The following CCDC125 variants were observed in gnomAD, a reference collection of about 807,000 sequenced individuals.
CCDC125 encodes the protein coiled-coil domain containing 125, also known as coiled-coil domain-containing protein 125.
A neutral mutation model predicts 57.4 loss-of-function variants in CCDC125; 43 were observed. The observed-to-expected ratio is 0.75, with a 90% confidence interval of 0.59 to 0.97. CCDC125 has a LOEUF of 0.97. Ranked by LOEUF, CCDC125 falls within the 50% of genes least tolerant of loss-of-function variation. CCDC125 has a pLI of 0.00. For synonymous variants in CCDC125, 187 were observed against 195.2 expected, an observed-to-expected ratio of 0.96 and a Z score of 0.35; for missense variants, 563 against 595.7, an observed-to-expected ratio of 0.95 and a Z score of 0.57.
At chr5:69,330,486 C>T (rs1040136778) in intron 1 of CCDC125, among the ~76,000 whole-genome samples, 1 of 151,770 alleles carries the variant, frequency 6.6e-6, no homozygotes, top group Non-Finnish European at 1.5e-5. Flanking sequence ...CCCAGCTACT[C>T]GGGAGGCTGA....
rs537861912 is a variant in CCDC125, at chr5:69,331,295, C to A, written c.-41+1354G>T. ...TCACCCACGCTGGAGTGCAATGGTG[C>A]GATCTCGGCTCACTGCAACCTAGAC... On this transcript the variant is annotated intron_variant, in intron 1 of 11. Transcript: ENST00000396496. 1.6e-4 allele frequency among the ~76,000 whole-genome samples: 24 copies of A among 152,010 alleles called. 1 individual carries two copies. The highest frequency in any genetic ancestry group is 1.2e-3 in the South Asian group (6 of 4,806).
rs994809609 is a variant in CCDC125, at chr5:69,280,712, T to C, written c.*2017A>G. 10 of 152,276 alleles carry C rather than the reference T, an allele frequency of 6.6e-5. No individual in the cohort carries two copies. The highest frequency in any genetic ancestry group is 5.2e-4 in the Admixed American group (8 of 15,286). 9.4% of individuals were successfully genotyped at this position (152,276 alleles called of 1,614,324 possible). A position where few individuals can be genotyped will look rare whatever the true frequency, so the allele number is the denominator to read the frequency against. On this transcript the variant is annotated 3_prime_UTR_variant, in exon 12 of 12. Coordinates refer to ENST00000396496, the MANE Select transcript of CCDC125 (RefSeq NM_176816.5). ...ACAGCTGTCAACACATGCATTTTGC[T>C]TTATTCATTTGCTTTATCTTATGGA...
rs887812622 is a variant in CCDC125, at chr5:69,313,271, T to C, written c.366+714A>G. ...AGGGATTGCCCTTCCCCTGCTGGGA[T>C]TCCCCCAGCCCCTCCTATCTGGCAG... On this transcript the variant is annotated intron_variant, in intron 3 of 11. Transcript: ENST00000396496. The C allele has an allele frequency of 6.6e-5, 37 of 560,732 alleles. No individual in the cohort carries two copies. In the Admixed American group the frequency reaches 1.1e-3, roughly 16 times the overall value. The allele number at this position is 560,732 out of a possible 1,614,324, so 34.7% of individuals were successfully genotyped here. A position where few individuals can be genotyped will look rare whatever the true frequency, so the allele number is the denominator to read the frequency against.
At chr5:69,330,199 T>C (rs1761245300) in intron 1 of CCDC125, among the ~76,000 whole-genome samples, 1 of 152,190 alleles carries the variant, frequency 6.6e-6, no homozygotes, top group South Asian at 2.1e-4. Context: ...AAGGCTCTTT[T>C]TCTTTTTCCT....
At position 69,286,920 on chromosome 5, in the gene CCDC125, T is replaced by TA. The variant is rs201525650; in HGVS notation, c.1100-1454dup. ...TGAATCTGTGTCCCTATTTTCAGTC[T>TA]AAAAAAAGAAATAGCTTGGTGTGAT... On this transcript the variant is annotated intron_variant, in intron 10 of 11. Coordinates refer to ENST00000396496, the MANE Select transcript of CCDC125 (RefSeq NM_176816.5). Among the ~76,000 whole-genome samples the TA allele has an allele frequency of 1.0e-3, 148 of 144,422 alleles. 5 individuals are homozygous for TA. The East Asian group carries it at 0.022, about 21-fold the overall frequency. The allele number at this position is 144,422 out of a possible 152,430, so 94.7% of individuals were successfully genotyped here. A position where few individuals can be genotyped will look rare whatever the true frequency, so the allele number is the denominator to read the frequency against.
intron 8 of CCDC125, among the ~76,000 whole-genome samples, chr5:69,299,228 G>C (rs1755938673): frequency 2.6e-5 from 4 of 151,798 alleles, no homozygotes; most frequent in African/African-American, 9.7e-5. Flanking sequence ...TCCTGCCTCA[G>C]CCTCCCAAGT....
intron 7 of CCDC125, among the ~76,000 whole-genome samples, chr5:69,303,323 T>C (rs1344485467): frequency 1.1e-4 from 16 of 151,494 alleles, no homozygotes; most frequent in African/African-American, 1.9e-4. Context: ...GTTCTGGGAT[T>C]ACAGGCATGA....
At chr5:69,279,836 G>T (rs1451530366), downstream of CCDC125, among the ~76,000 whole-genome samples, 1 of 135,042 alleles carries the variant, frequency 7.4e-6, no homozygotes, top group Non-Finnish European at 1.7e-5. Context: ...CTGCTATAAA[G>T]AATACTACCC....
Position 69,324,382 on chromosome 5 carries a change from T to C in CCDC125, c.-40-3802A>G, listed in dbSNP as rs142335138. Among the ~76,000 whole-genome samples the C allele has an allele frequency of 8.7e-3, 1,328 of 152,252 alleles. 15 individuals are homozygous for C. Among genetic ancestry groups the C allele is most frequent in the African/African-American group, 0.031 (1,279 of 41,528 alleles). Reference sequence around the variant, plus strand: ...AGTAACTGAAACTCTCATACATTGGTGATGTGAGTAAAACATGGTACAACC... The same window carrying C: ...AGTAACTGAAACTCTCATACATTGGCGATGTGAGTAAAACATGGTACAACC... On this transcript the variant is annotated intron_variant, in intron 1 of 11. Transcript: ENST00000396496.
At chr5:69,297,833 A>G (rs1422024522) in intron 8 of CCDC125, among the ~76,000 whole-genome samples, 1 of 150,892 alleles carries the variant, frequency 6.6e-6, no homozygotes, top group Non-Finnish European at 1.5e-5. Context: ...GGGTATGATA[A>G]TGGTGTGCAC....
chr5:69,305,621 G>C (rs1166877075), intron 6 of CCDC125, among the ~76,000 whole-genome samples: 1 of 152,208 alleles, frequency 6.6e-6, no homozygotes, highest in Non-Finnish European at 1.5e-5. Flanking sequence ...CAGAAGGTTT[G>C]CTGAGGGCAG....
intron 5 of CCDC125, among the ~76,000 whole-genome samples, chr5:69,307,252 A>G (rs1241457913): frequency 1.3e-5 from 2 of 152,156 alleles, no homozygotes; most frequent in Non-Finnish European, 2.9e-5. Context: ...GGTCCCATCA[A>G]GGGAGAACAC....
At chr5:69,328,855 G>A (rs1761052473) in intron 1 of CCDC125, among the ~76,000 whole-genome samples, 2 of 150,154 alleles carry the variant, frequency 1.3e-5, no homozygotes, top group South Asian at 2.1e-4. Flanking sequence ...GTGCAGTGGC[G>A]CCATCTCACC....
At chr5:69,300,476 C>A (rs6450029) in intron 7 of CCDC125, among the ~76,000 whole-genome samples, 62,674 of 151,988 alleles carry the variant, frequency 0.41, 13,211 homozygotes, top group East Asian at 0.49. Flanking sequence ...ATGGTGAGAT[C>A]TCATATATTG....
Position 69,306,891 on chromosome 5 carries a change from G to A in CCDC125, c.543C>T (p.Ala181=), listed in dbSNP as rs1757408912. The change falls in exon 6 of 12, where the codon GCC becomes GCT. Residue 181 remains alanine (A), a synonymous_variant. Transcript: ENST00000396496. The stretch of plus-strand genomic sequence containing the variant: ...GATCAAATTCTATTTCCCACTGCAA[G>A]GCATTTATTTCCTATGGAAAGAAAA... The part of the protein sequence containing the change: ...QNRSLEKEIN[A]LQWEIEFDHN... The A allele has an allele frequency of 6.6e-7, 1 of 1,507,896 alleles. No individual in the cohort carries two copies. 93.4% of individuals were successfully genotyped at this position (1,507,896 alleles called of 1,614,324 possible).
At chr5:69,320,631 C>T (rs1759877305) in intron 1 of CCDC125, 51 bp from the exon 2 acceptor site, 1 of 776,892 alleles carries the variant, frequency 1.3e-6, no homozygotes, top group Non-Finnish European at 2.1e-6. Flanking sequence ...ATCCAGCAAC[C>T]CCACCTCTCG....
intron 1 of CCDC125, among the ~76,000 whole-genome samples, chr5:69,320,976 C>A (rs1014142653): frequency 1.3e-5 from 2 of 151,992 alleles, no homozygotes; most frequent in African/African-American, 4.8e-5. Context: ...AAAAAACAAT[C>A]AAACTCAAAG....
In CCDC125 at chr5:69,311,192, A is replaced by G. The variant is rs1175455968; in HGVS notation, c.379T>C (p.Leu127=). 6.2e-7 allele frequency: 1 copy of G among 1,604,812 alleles called. No homozygotes were observed. Among genetic ancestry groups the G allele is most frequent in the Non-Finnish European group, 8.5e-7 (1 of 1,172,850 alleles). Residue 127 remains leucine (L), a synonymous_variant, in exon 4 of 12, where the codon TTA becomes CTA. Coordinates refer to ENST00000396496, the MANE Select transcript of CCDC125 (RefSeq NM_176816.5). ...TGAGATGCCTCAAGTTCAGTTTTTA[A>G]CATTTCTACCTCCTGAGGACAGAAA... The part of the protein sequence containing the change: ...LNETLEEVEM[L]KTELEASQRQ...
chr5:69,278,703 C>CTTTTTTT (rs34258569), downstream of CCDC125, among the ~76,000 whole-genome samples: 4 of 108,126 alleles, frequency 3.7e-5, no homozygotes, highest in Admixed American at 1.2e-4. Flanking sequence ...TCTCTCTCTC[C>CTTTTTTT]TTTTTTTTTT....
Sources: gnomAD v4.1 joint callset for allele counts (sites outside exome capture counted in the v4.1 genomes callset) on GRCh38, gnomAD v4.1.1 for gene constraint, MANE v1.5 for transcripts, NCBI Gene and HGNC (gene_info 2026-07-23, HGNC 2026-07-21) for gene names.